The following TENM3 variants were observed in gnomAD, a reference collection of about 807,000 sequenced individuals.
TENM3 encodes teneurin-3.
A neutral mutation model predicts 255.1 loss-of-function variants in TENM3; 63 were observed. The observed-to-expected ratio is 0.25, with a 90% CI of 0.20 to 0.30. The LOEUF is 0.30. Among genes scored for constraint, TENM3 ranks in the 10% least tolerant of loss-of-function variants. TENM3 has a pLI of 1.00. For synonymous variants in TENM3, 1,306 were observed against 1,322.3 expected (o/e 0.99, Z 0.27); for missense variants, 2,929 against 3,461.1 (o/e 0.85, Z 3.86).
At chr4:182,430,393 AC>A in intron 3 of TENM3, among the ~76,000 whole-genome samples, 1 of 152,068 alleles carries the variant, frequency 6.6e-6, no homozygotes, top group Non-Finnish European at 1.5e-5. Flanking sequence ...GTAAAAATAC[AC>A]AAAATTAGCT....
At chr4:181,492,870 T>C in the TENM3 span, among the ~76,000 whole-genome samples, 7 of 152,328 alleles carry the variant, frequency 4.6e-5, no homozygotes, top group South Asian at 1.4e-3. Flanking sequence ...TGGTCATATA[T>C]CAAGATAACC....
the TENM3 span, among the ~76,000 whole-genome samples, chr4:181,883,719 C>T: frequency 4.6e-5 from 7 of 152,164 alleles, no homozygotes; most frequent in Admixed American, 6.5e-5. Context: ...CCTTGTGATC[C>T]GCCCGCCTCA....
chr4:181,867,742 G>A, the TENM3 span, among the ~76,000 whole-genome samples: 3 of 152,104 alleles, frequency 2.0e-5, no homozygotes, highest in African/African-American at 7.2e-5. Flanking sequence ...TATTTGTTCT[G>A]TTTTTCCAGG....
At chr4:181,874,407 C>G in the TENM3 span, 2 of 152,206 alleles carry the variant, frequency 1.3e-5, no homozygotes, top group East Asian at 3.9e-4. Flanking sequence ...ATTTTTGAAT[C>G]TCTGTTATTA....
At chr4:182,788,993 CAA>C (rs1765895840) in intron 24 of TENM3, 98 bp from the exon 25 acceptor site, 1 of 1,093,992 alleles carries the variant, frequency 9.1e-7, no homozygotes, top group African/African-American at 1.6e-5. Context: ...AATTTACTGA[CAA>C]AGAGAATCAA....
the TENM3 span, among the ~76,000 whole-genome samples, chr4:182,129,989 G>A: frequency 6.6e-6 from 1 of 152,086 alleles, no homozygotes; most frequent in Admixed American, 6.6e-5. Flanking sequence ...TTACTGTAAA[G>A]TTTCTAATGT....
At chr4:181,463,275 G>T in the TENM3 span, among the ~76,000 whole-genome samples, 1 of 152,130 alleles carries the variant, frequency 6.6e-6, no homozygotes, top group Non-Finnish European at 1.5e-5. Flanking sequence ...TGATGCTTAT[G>T]CTGGTTGACC....
intron 3 of TENM3, among the ~76,000 whole-genome samples, chr4:182,599,051 C>A (rs1560983416): frequency 6.6e-6 from 1 of 152,122 alleles, no homozygotes; most frequent in African/African-American, 2.4e-5. Context: ...CCTGTTCTCT[C>A]TTTGTTTCTA....
chr4:182,133,149 A>G, the TENM3 span, among the ~76,000 whole-genome samples: 2 of 152,228 alleles, frequency 1.3e-5, no homozygotes, highest in East Asian at 1.9e-4. Context: ...AATCTGCAAT[A>G]TAAGAGAAAA....
At chr4:182,100,868 TATATATAG>T in the TENM3 span, among the ~76,000 whole-genome samples, 2 of 103,622 alleles carry the variant, frequency 1.9e-5, no homozygotes, top group Non-Finnish European at 3.6e-5. Context: ...CTCATATATA[TATATATAG>T]AGAGAGAGAG....
At chr4:182,263,764 A>T (rs1187771719) in intron 1 of TENM3, among the ~76,000 whole-genome samples, 2 of 152,078 alleles carry the variant, frequency 1.3e-5, no homozygotes, top group Admixed American at 1.3e-4. Context: ...CAGGGCAACC[A>T]TGTTGCTCAG....
chr4:182,282,487 G>A (rs776505957), intron 1 of TENM3, among the ~76,000 whole-genome samples: 1 of 152,062 alleles, frequency 6.6e-6, no homozygotes, highest in African/African-American at 2.4e-5. Context: ...TATGACAATC[G>A]AAAGTGGCTG....
chr4:182,067,443 A>G, the TENM3 span, among the ~76,000 whole-genome samples: 1 of 152,310 alleles, frequency 6.6e-6, no homozygotes, highest in Non-Finnish European at 1.5e-5. Context: ...TACTGCGTGT[A>G]TTTAGTGTGA....
At chr4:182,740,842 T>A (rs1761547946) in intron 18 of TENM3, among the ~76,000 whole-genome samples, 1 of 152,120 alleles carries the variant, frequency 6.6e-6, no homozygotes, top group African/African-American at 2.4e-5. Context: ...AAAACCGAAC[T>A]TTCCAAAATG....
chr4:182,055,542 G>A, the TENM3 span, among the ~76,000 whole-genome samples: 7 of 152,104 alleles, frequency 4.6e-5, no homozygotes, highest in South Asian at 2.1e-4. Flanking sequence ...CTGGACACCC[G>A]GCAGAGGCAG....
At chr4:181,450,817 G>C in the TENM3 span, among the ~76,000 whole-genome samples, 1 of 152,134 alleles carries the variant, frequency 6.6e-6, no homozygotes, top group Non-Finnish European at 1.5e-5. Context: ...ATCTCACTTT[G>C]AATATGCTAC....
chr4:181,708,759 C>G, the TENM3 span, among the ~76,000 whole-genome samples: 1 of 152,146 alleles, frequency 6.6e-6, no homozygotes, highest in African/African-American at 2.4e-5. Flanking sequence ...TGTTTTAAAG[C>G]TCCCAGGTGA....
At chr4:182,273,897 C>A (rs1393258355) in intron 1 of TENM3, among the ~76,000 whole-genome samples, 1 of 152,168 alleles carries the variant, frequency 6.6e-6, no homozygotes, top group African/African-American at 2.4e-5. Context: ...AAGATTAAAG[C>A]ATGGAAATAG....
At chr4:182,420,811 C>A (rs1354750235) in intron 3 of TENM3, among the ~76,000 whole-genome samples, 2 of 152,094 alleles carry the variant, frequency 1.3e-5, no homozygotes, top group Admixed American at 6.6e-5. Flanking sequence ...AATAAATCAA[C>A]AGTTGGAAAT....
Sources: allele counts gnomAD v4.1 joint callset (sites outside exome capture counted in the v4.1 genomes callset), GRCh38; gene constraint gnomAD v4.1.1; transcripts MANE v1.5; gene names NCBI Gene and HGNC (gene_info 2026-07-23, HGNC 2026-07-21).